The following RHBDD1 variants were observed in gnomAD, a reference collection of about 807,000 sequenced individuals.
The protein encoded by RHBDD1 is rhomboid-related protein 4.
Under a neutral mutation model 36.3 loss-of-function variants are expected in RHBDD1, and 38 were observed. The ratio of observed to expected loss-of-function variants is 1.05; its 90% CI spans 0.81 to 1.37. The LOEUF (loss-of-function observed/expected upper bound fraction) is 1.37. Among genes scored for constraint, RHBDD1 ranks in the 40% most tolerant of loss-of-function variants. The probability of loss-of-function intolerance (pLI) is 0.00; values close to 1 mark genes in which losing one functional copy is unlikely to be tolerated. For synonymous variants in RHBDD1, 151 were observed against 136.5 expected (o/e 1.11, Z -0.74); for missense variants, 393 against 377.6 (o/e 1.04, Z -0.34).
the RHBDD1 span, among the ~76,000 whole-genome samples, chr2:226,824,157 A>G: frequency 6.6e-6 from 1 of 152,144 alleles, no homozygotes; most frequent in Non-Finnish European, 1.5e-5. Flanking sequence ...AACATTTTAT[A>G]TATACTATAT....
intron 5 of RHBDD1, among the ~76,000 whole-genome samples, chr2:226,900,837 A>G (rs1035409569): frequency 1.6e-4 from 25 of 152,186 alleles, no homozygotes; most frequent in Non-Finnish European, 3.1e-4. Context: ...GCTAATTAAT[A>G]TATCTGTTAC....
At chr2:226,853,850 C>T (rs1036523766) in intron 3 of RHBDD1, among the ~76,000 whole-genome samples, 5 of 152,234 alleles carry the variant, frequency 3.3e-5, no homozygotes, top group Middle Eastern at 3.4e-3. Context: ...TCTGAAGGGC[C>T]GAAGCTCCAT....
chr2:226,927,136 C>T (rs1305528700), intron 8 of RHBDD1, among the ~76,000 whole-genome samples: 1 of 152,114 alleles, frequency 6.6e-6, no homozygotes. Context: ...TCAACAAGCA[C>T]TGTTCTCTTC....
In RHBDD1 at chr2:226,908,826, T is replaced by A; in HGVS notation, c.660T>A (p.Gly220=). The part of the protein sequence containing the change: ...LKKIMEACAG[G]FSSSVGYPGR... ...GTTTATTTCTTTTACGTTTAGGCGGTTTTTCCTCCAGTGTTGGTTACCCAG... is the reference window on the plus strand; with the variant it reads ...GTTTATTTCTTTTACGTTTAGGCGGATTTTCCTCCAGTGTTGGTTACCCAG... Residue 220 remains glycine, a synonymous_variant, in exon 7 of 9, where the codon GGT becomes GGA. Transcript: ENST00000392062. 6.2e-7 allele frequency: 1 copy of A among 1,605,008 alleles called. No homozygotes were observed. The highest frequency in any genetic ancestry group is 1.7e-4 in the Middle Eastern group (1 of 6,042).
At chr2:226,922,918 T>G (rs1949426472) in intron 8 of RHBDD1, among the ~76,000 whole-genome samples, 1 of 152,198 alleles carries the variant, frequency 6.6e-6, no homozygotes, top group African/African-American at 2.4e-5. Flanking sequence ...AACTCTACAC[T>G]TTAACTTTGT....
At chr2:226,946,921 C>G (rs1394138040) in intron 8 of RHBDD1, among the ~76,000 whole-genome samples, 1 of 152,168 alleles carries the variant, frequency 6.6e-6, no homozygotes, top group Non-Finnish European at 1.5e-5. Flanking sequence ...TCAACATACA[C>G]GAATCAGTAA....
chr2:226,908,934 C>CAGCTCT, intron 7 of RHBDD1, 56 bp downstream of exon 7: 1 of 1,117,354 alleles, frequency 8.9e-7, no homozygotes, highest in South Asian at 1.3e-5. Context: ...TTATAGTGTT[C>CAGCTCT]AGCTCTACAG....
At chr2:226,839,841 A>G (rs1429383935) in intron 3 of RHBDD1, among the ~76,000 whole-genome samples, 1 of 152,194 alleles carries the variant, frequency 6.6e-6, no homozygotes, top group Non-Finnish European at 1.5e-5. Context: ...TATCGCTATT[A>G]AAAGCTATTT....
chr2:226,963,387 T>A (rs979314896), intron 8 of RHBDD1, among the ~76,000 whole-genome samples: 7 of 152,098 alleles, frequency 4.6e-5, no homozygotes, highest in Non-Finnish European at 1.0e-4. Context: ...GAAAGTAGAG[T>A]TGTGCTTGGT....
intron 3 of RHBDD1, among the ~76,000 whole-genome samples, chr2:226,853,049 G>A (rs1297498001): frequency 6.6e-6 from 1 of 151,700 alleles, no homozygotes; most frequent in Non-Finnish European, 1.5e-5. Flanking sequence ...GATTATAGGC[G>A]AGAGCCACTG....
the RHBDD1 span, among the ~76,000 whole-genome samples, chr2:226,820,605 C>G: frequency 8.4e-6 from 1 of 118,758 alleles, no homozygotes; most frequent in South Asian, 2.8e-4. Context: ...GCCAGGAGTT[C>G]AAGACCAGCT....
intron 3 of RHBDD1, among the ~76,000 whole-genome samples, chr2:226,861,679 G>A (rs966894998): frequency 4.6e-5 from 7 of 152,168 alleles, no homozygotes; most frequent in African/African-American, 1.7e-4. Flanking sequence ...CATTGTTCCT[G>A]TTAAAGGTAA....
chr2:226,851,297 C>A (rs769782189), intron 3 of RHBDD1, among the ~76,000 whole-genome samples: 1 of 151,712 alleles, frequency 6.6e-6, no homozygotes, highest in Non-Finnish European at 1.5e-5. Context: ...TAAACACATA[C>A]CCCCCCAATG....
intron 8 of RHBDD1, among the ~76,000 whole-genome samples, chr2:226,991,660 A>G (rs1397609022): frequency 6.6e-6 from 1 of 152,146 alleles, no homozygotes. Flanking sequence ...TCCTTCAACA[A>G]CCCAACAAAG....
At chr2:226,971,889 A>G (rs989930322) in intron 8 of RHBDD1, among the ~76,000 whole-genome samples, 1 of 150,218 alleles carries the variant, frequency 6.7e-6, no homozygotes, top group African/African-American at 2.5e-5. Flanking sequence ...ATAGAAAACT[A>G]GAGAGAAAGC....
chr2:226,974,729 G>A lies in RHBDD1; in HGVS notation c.857-20702G>A, dbSNP rs547866959. On this transcript the variant is annotated intron_variant, in intron 8 of 8. Transcript: ENST00000392062. ...GCACCAGGATCCTCTTTAGTGTCCC[G>A]CACCCAAGAGCAGGGTGGATACTCC... Among the ~76,000 whole-genome samples the A allele has an allele frequency of 2.6e-5, 4 of 152,244 alleles. No individual in the cohort carries two copies. The East Asian group carries it at 5.8e-4, about 22-fold the overall frequency.
chr2:226,877,624 A>C (rs550393680), intron 5 of RHBDD1, among the ~76,000 whole-genome samples: 2 of 130,788 alleles, frequency 1.5e-5, no homozygotes, highest in East Asian at 2.2e-4. Flanking sequence ...GAAAGTGGGG[A>C]GGGCCCATGA....
chr2:226,974,664 T>A (rs1169397236), intron 8 of RHBDD1, among the ~76,000 whole-genome samples: 1 of 152,166 alleles, frequency 6.6e-6, no homozygotes, highest in Non-Finnish European at 1.5e-5. Flanking sequence ...CTAAAATAAA[T>A]GGGAAGGTAC....
At chr2:226,872,463 A>G (rs1412699582) in intron 5 of RHBDD1, among the ~76,000 whole-genome samples, 1 of 152,164 alleles carries the variant, frequency 6.6e-6, no homozygotes, top group Non-Finnish European at 1.5e-5. Flanking sequence ...TTAGTTTTCT[A>G]TTATTAAGAG....
Sources: gnomAD v4.1 joint callset for allele counts (sites outside exome capture counted in the v4.1 genomes callset) on GRCh38, gnomAD v4.1.1 for gene constraint, MANE v1.5 for transcripts, NCBI Gene and HGNC (gene_info 2026-07-23, HGNC 2026-07-21) for gene names.